ASTN1: variants seen among roughly 807,000 people sequenced by gnomAD.
The protein encoded by ASTN1 is astrotactin-1.
In ASTN1, 41 loss-of-function variants were observed where a neutral mutation model predicts 140.7. The ratio of observed to expected loss-of-function variants is 0.29; its 90% confidence interval spans 0.23 to 0.38. The LOEUF (loss-of-function observed/expected upper bound fraction) is 0.38. Among genes scored for constraint, ASTN1 ranks in the 10% least tolerant of loss-of-function variants. The probability of loss-of-function intolerance (pLI) is 1.00; values close to 1 mark genes in which losing one functional copy is unlikely to be tolerated. For missense variants in ASTN1, 1,479 were observed against 1,678.8 expected (o/e 0.88, Z 2.08); for synonymous variants, 640 against 652.2 (o/e 0.98, Z 0.29).
chr1:176,982,975 T>C (rs1404514788), intron 8 of ASTN1, among the ~76,000 whole-genome samples: 1 of 152,004 alleles, frequency 6.6e-6, no homozygotes, highest in Non-Finnish European at 1.5e-5. Context: ...AATCCACAGA[T>C]GATGATTGAG....
intron 1 of ASTN1, among the ~76,000 whole-genome samples, chr1:177,063,365 G>A (rs1252778252): frequency 6.6e-6 from 1 of 152,096 alleles, no homozygotes; most frequent in East Asian, 1.9e-4. Context: ...GGGTTGCTAA[G>A]CTGTCCATGA....
At chr1:176,933,485 A>G (rs927515463) in intron 16 of ASTN1, among the ~76,000 whole-genome samples, 2 of 152,218 alleles carry the variant, frequency 1.3e-5, no homozygotes, top group Admixed American at 6.5e-5. Flanking sequence ...GGTTGATCAG[A>G]TACAAATATA....
intron 1 of ASTN1, among the ~76,000 whole-genome samples, chr1:177,080,127 G>C (rs1463014571): frequency 6.6e-6 from 1 of 151,854 alleles, no homozygotes; most frequent in African/African-American, 2.4e-5. Flanking sequence ...TTTCACCTTG[G>C]ATTTATTAAA....
intron 2 of ASTN1, among the ~76,000 whole-genome samples, chr1:177,039,438 A>C (rs1676871214): frequency 6.6e-6 from 1 of 152,228 alleles, no homozygotes; most frequent in African/African-American, 2.4e-5. Context: ...TATAAGAGGC[A>C]GAACAAGAAC....
At chr1:177,050,241 T>C (rs2102012134) in intron 2 of ASTN1, among the ~76,000 whole-genome samples, 1 of 152,312 alleles carries the variant, frequency 6.6e-6, no homozygotes, top group African/African-American at 2.4e-5. Flanking sequence ...TGATGATTGA[T>C]ATCCCATATG....
intron 16 of ASTN1, among the ~76,000 whole-genome samples, chr1:176,905,118 A>G (rs894533398): frequency 2.0e-5 from 3 of 152,088 alleles, no homozygotes; most frequent in Admixed American, 2.0e-4. Flanking sequence ...CCTACCTTCA[A>G]ATCTGGACAA....
At chr1:177,013,945 C>T (rs1196588440) in intron 8 of ASTN1, among the ~76,000 whole-genome samples, 1 of 151,774 alleles carries the variant, frequency 6.6e-6, no homozygotes, top group Non-Finnish European at 1.5e-5. Flanking sequence ...CTTTGGGAGG[C>T]TGAGGTGGGA....
At chr1:177,114,813 C>T (rs1442331447) in intron 1 of ASTN1, among the ~76,000 whole-genome samples, 2 of 152,132 alleles carry the variant, frequency 1.3e-5, no homozygotes, top group African/African-American at 4.8e-5. Flanking sequence ...ATTTTGGTGG[C>T]CACAGTCAAA....
intron 14 of ASTN1, among the ~76,000 whole-genome samples, chr1:176,937,159 T>C (rs1269181384): frequency 6.6e-6 from 1 of 152,200 alleles, no homozygotes; most frequent in Non-Finnish European, 1.5e-5. Context: ...TCTTTAATGG[T>C]TGCAGTAATT....
intron 18 of ASTN1, among the ~76,000 whole-genome samples, chr1:176,886,798 C>T (rs917874314): frequency 3.3e-5 from 5 of 152,212 alleles, no homozygotes; most frequent in African/African-American, 9.7e-5. Flanking sequence ...GCCTACTCAG[C>T]CTTTCACTTT....
Position 177,002,289 on chromosome 1 carries a change from T to C in ASTN1, c.1523+12502A>G, listed in dbSNP as rs75349854. ...TGTGGTTTAATGAAAAAAGCCTAAA[T>C]GTTGGCATCAGACCGTTCTGTTCAC... is the stretch of plus-strand genomic sequence containing the variant. On this transcript the variant is annotated intron_variant, in intron 8 of 22. Transcript: ENST00000361833. Among the ~76,000 whole-genome samples the C allele has an allele frequency of 2.8e-3, 432 of 152,128 alleles. 2 individuals are homozygous for C. The highest frequency in any genetic ancestry group is 0.011 in the Admixed American group (162 of 15,252).
Position 176,864,120 on chromosome 1 carries a change from T to A in ASTN1, c.*164A>T. On this transcript the variant is annotated 3_prime_UTR_variant, in exon 23 of 23. Transcript: ENST00000361833. ...ATCATGCAGATGGAGAACATCATAC[T>A]GAAGAAGTTCTGCAGGGAGCAAGGA... 6.8e-7 allele frequency: 1 copy of A among 1,464,090 alleles called. No individual in the cohort carries two copies. The highest frequency in any genetic ancestry group is 9.0e-7 in the Non-Finnish European group (1 of 1,112,944). The allele number at this position is 1,464,090 out of a possible 1,614,324, so 90.7% of individuals were successfully genotyped here. A position where few individuals can be genotyped will look rare whatever the true frequency, so the allele number is the denominator to read the frequency against.
intron 18 of ASTN1, among the ~76,000 whole-genome samples, chr1:176,886,305 T>C (rs1669028448): frequency 1.3e-5 from 2 of 152,240 alleles, no homozygotes; most frequent in Admixed American, 1.3e-4. Context: ...CAATAAGATT[T>C]AGTAAACACA....
chr1:176,897,026 C>T (rs1669536255), intron 16 of ASTN1, among the ~76,000 whole-genome samples: 1 of 152,116 alleles, frequency 6.6e-6, no homozygotes, highest in African/African-American at 2.4e-5. Flanking sequence ...CTTGTAATCC[C>T]AGCACTTTGG....
intron 1 of ASTN1, among the ~76,000 whole-genome samples, chr1:177,153,359 T>A (rs1176851433): frequency 1.3e-5 from 2 of 152,114 alleles, no homozygotes; most frequent in Non-Finnish European, 2.9e-5. Flanking sequence ...TACCCAATCT[T>A]GAACTTTCCA....
chr1:176,963,518 C>T (rs1672753947), intron 9 of ASTN1, among the ~76,000 whole-genome samples: 1 of 152,200 alleles, frequency 6.6e-6, no homozygotes, highest in Non-Finnish European at 1.5e-5. Flanking sequence ...TATCTGACCT[C>T]ATGGGTCAAA....
At position 176,861,502 on chromosome 1, in the gene ASTN1, C is replaced by T; in HGVS notation, c.*2782G>A. The stretch of plus-strand genomic sequence containing the variant: ...TCACCCTTTCTAGCCAGGATGGGTT[C>T]CTTCAGGTAAGCATTAGGAAAAGTC... On this transcript the variant is annotated 3_prime_UTR_variant, in exon 23 of 23. Transcript: ENST00000361833. 7.1e-6 allele frequency: 7 copies of T among 985,808 alleles called. No homozygotes were observed. Among genetic ancestry groups the T allele is most frequent in the Non-Finnish European group, 8.4e-6 (7 of 829,950 alleles). 61.1% of individuals were successfully genotyped at this position (985,808 alleles called of 1,614,324 possible). A position where few individuals can be genotyped will look rare whatever the true frequency, so the allele number is the denominator to read the frequency against.
chr1:177,112,419 C>T (rs976249663), intron 1 of ASTN1, among the ~76,000 whole-genome samples: 6 of 152,242 alleles, frequency 3.9e-5, no homozygotes, highest in South Asian at 4.2e-4. Context: ...CTGCCTGCCA[C>T]GAGGAGGAGT....
At chr1:177,073,378 G>A (rs962182911) in intron 1 of ASTN1, among the ~76,000 whole-genome samples, 35 of 151,566 alleles carry the variant, frequency 2.3e-4, no homozygotes, top group African/African-American at 8.5e-4. Context: ...ATACCTTCAG[G>A]GTTAAGCAGT....
Sources: gnomAD v4.1 joint callset for allele counts (sites outside exome capture counted in the v4.1 genomes callset) on GRCh38, gnomAD v4.1.1 for gene constraint, MANE v1.5 for transcripts, NCBI Gene and HGNC (gene_info 2026-07-23, HGNC 2026-07-21) for gene names.